Variants in ABTB3 observed in about 807,000 individuals in gnomAD.
The protein encoded by ABTB3 is ankyrin repeat- and BTB/POZ domain-containing protein 3.
the ABTB3 span, among the ~76,000 whole-genome samples, chr12:107,523,561 C>T: frequency 3.9e-5 from 6 of 152,086 alleles, no homozygotes; most frequent in East Asian, 1.9e-4. Flanking sequence ...AGTAGTTCTC[C>T]GGGTTTCTTT....
the ABTB3 span, among the ~76,000 whole-genome samples, chr12:107,342,418 G>T: frequency 0.44 from 66,874 of 151,822 alleles, 18,074 homozygotes; most frequent in African/African-American, 0.77. Context: ...CCATGGTGAT[G>T]CTGTTGTCAC....
At chr12:107,610,098 A>G in the ABTB3 span, 4 of 1,469,760 alleles carry the variant, frequency 2.7e-6, no homozygotes, top group South Asian at 3.6e-5. Flanking sequence ...ATGAAAAGCA[A>G]ATGCAATGTC....
chr12:107,634,989 T>A, the ABTB3 span: 2 of 253,516 alleles, frequency 7.9e-6, no homozygotes, highest in African/African-American at 2.2e-5. Flanking sequence ...TATTTTCCAT[T>A]CTCTATGAAC....
At chr12:107,569,939 T>A in the ABTB3 span, among the ~76,000 whole-genome samples, 1 of 152,228 alleles carries the variant, frequency 6.6e-6, no homozygotes, top group African/African-American at 2.4e-5. Flanking sequence ...AGCCATCATG[T>A]CCACAGTCTT....
chr12:107,657,474 G>A, the ABTB3 span: 47 of 1,584,430 alleles, frequency 3.0e-5, no homozygotes, highest in Middle Eastern at 8.3e-4. Flanking sequence ...TTTCGGAAGC[G>A]TAACCATCTC....
At chr12:107,451,089 C>A in the ABTB3 span, among the ~76,000 whole-genome samples, 1 of 151,944 alleles carries the variant, frequency 6.6e-6, no homozygotes, top group Non-Finnish European at 1.5e-5. Flanking sequence ...TACGGTGGCC[C>A]CTGTGATATT....
At chr12:107,418,391 T>C in the ABTB3 span, among the ~76,000 whole-genome samples, 3 of 152,186 alleles carry the variant, frequency 2.0e-5, no homozygotes, top group East Asian at 5.8e-4. Flanking sequence ...TACTACTTAA[T>C]AAACTCCCCT....
At chr12:107,515,084 T>C in the ABTB3 span, among the ~76,000 whole-genome samples, 1 of 152,076 alleles carries the variant, frequency 6.6e-6, no homozygotes, top group Non-Finnish European at 1.5e-5. Flanking sequence ...TCACCCCCAT[T>C]TCACAGAAGA....
the ABTB3 span, among the ~76,000 whole-genome samples, chr12:107,438,098 CG>C: frequency 6.6e-6 from 1 of 152,092 alleles, no homozygotes; most frequent in African/African-American, 2.4e-5. Flanking sequence ...AGACCCTGAG[CG>C]GGGCCCAGAT....
the ABTB3 span, among the ~76,000 whole-genome samples, chr12:107,564,911 T>C: frequency 4.6e-5 from 7 of 152,230 alleles, no homozygotes; most frequent in Admixed American, 4.6e-4. Context: ...GCAAGCCCCA[T>C]GCAGGAGCCA....
the ABTB3 span, among the ~76,000 whole-genome samples, chr12:107,333,791 A>C: frequency 2.0e-5 from 3 of 152,236 alleles, no homozygotes; most frequent in Non-Finnish European, 1.5e-5. Flanking sequence ...CCTATGTACT[A>C]AACACACTGA....
At chr12:107,631,996 T>TA in the ABTB3 span, among the ~76,000 whole-genome samples, 8 of 152,240 alleles carry the variant, frequency 5.3e-5, no homozygotes, top group African/African-American at 1.9e-4. Flanking sequence ...TGACCATTGT[T>TA]ACGTATTTGA....
the ABTB3 span, among the ~76,000 whole-genome samples, chr12:107,489,308 C>G: frequency 0.33 from 49,873 of 152,018 alleles, 10,768 homozygotes; most frequent in African/African-American, 0.62. Flanking sequence ...ATCACTTGAG[C>G]TCAGGAGTTT....
the ABTB3 span, among the ~76,000 whole-genome samples, chr12:107,348,784 T>C: frequency 1.4e-3 from 220 of 152,220 alleles, 6 homozygotes; most frequent in Non-Finnish European, 4.9e-4. Flanking sequence ...GCAATAAACA[T>C]TGAAATATGG....
At chr12:107,439,672 C>T in the ABTB3 span, among the ~76,000 whole-genome samples, 114 of 152,200 alleles carry the variant, frequency 7.5e-4, 1 homozygote, top group South Asian at 6.9e-3. Context: ...GTAACCAGAA[C>T]GGGCTTTTTC....
chr12:107,464,973 C>T, the ABTB3 span, among the ~76,000 whole-genome samples: 1 of 151,978 alleles, frequency 6.6e-6, no homozygotes, highest in Non-Finnish European at 1.5e-5. Context: ...CACACACACA[C>T]ACACCCCAGA....
chr12:107,648,774 G>C, the ABTB3 span, among the ~76,000 whole-genome samples: 1 of 152,116 alleles, frequency 6.6e-6, no homozygotes, highest in Non-Finnish European at 1.5e-5. Flanking sequence ...CATGTTCGCA[G>C]GGGAACAACC....
At chr12:107,480,888 C>A in the ABTB3 span, among the ~76,000 whole-genome samples, 2 of 152,130 alleles carry the variant, frequency 1.3e-5, no homozygotes, top group African/African-American at 4.8e-5. Context: ...ACAAAACCAA[C>A]AGTAAAGAGA....
chr12:107,648,621 C>G, the ABTB3 span, among the ~76,000 whole-genome samples: 6 of 152,152 alleles, frequency 3.9e-5, no homozygotes, highest in Non-Finnish European at 8.8e-5. Flanking sequence ...GGGCCATTGA[C>G]ATCGTTAGTG....
Sources: allele counts gnomAD v4.1 joint callset (sites outside exome capture counted in the v4.1 genomes callset), GRCh38; gene constraint gnomAD v4.1.1; transcripts MANE v1.5; gene names NCBI Gene and HGNC (gene_info 2026-07-23, HGNC 2026-07-21).